Variants in DHRS2 observed in about 807,000 individuals in gnomAD.
The protein encoded by DHRS2 is dehydrogenase/reductase SDR family member 2, mitochondrial.
In DHRS2, 29 loss-of-function variants were observed where a neutral mutation model predicts 26.3. That is an observed-to-expected ratio of 1.10 (90% CI 0.82 to 1.50). The LOEUF is 1.50. Among genes scored for constraint, DHRS2 ranks in the 40% most tolerant of loss-of-function variants. The pLI, the probability that DHRS2 is intolerant of heterozygous loss-of-function variation, is 0.00. For synonymous variants in DHRS2, 164 were observed against 151.3 expected, an observed-to-expected ratio of 1.08 and a Z score of -0.62; for missense variants, 439 against 367.1, an observed-to-expected ratio of 1.20 and a Z score of -1.60.
chr14:23,637,497 C>T (rs1890379473), intron 1 of DHRS2, among the ~76,000 whole-genome samples: 1 of 152,188 alleles, frequency 6.6e-6, no homozygotes, highest in Non-Finnish European at 1.5e-5. Flanking sequence ...CAAAAGGTGT[C>T]ACTTTTCCAA....
Position 23,639,854 on chromosome 14 carries a change from G to T in DHRS2, c.379G>T (p.Val127Leu), listed in dbSNP as rs941625383. Residue 127 changes from valine (V) to leucine (L), a missense_variant, in exon 4 of 9, where the codon GTA (valine) becomes TTA (leucine). Transcript: ENST00000250383. ...LVCSAGVNPL[V>L]GSTLGTSEQI... ...GTGCAGCGCAGGGGTCAACCCTCTG[G>T]TAGGGAGCACTCTGGGGACCAGTGA... 2.8e-5 allele frequency: 45 copies of T among 1,610,294 alleles called. 1 individual carries two copies. Among genetic ancestry groups the T allele is most frequent in the Non-Finnish European group, 3.7e-5 (43 of 1,178,058 alleles).
chr14:23,645,608 T>A lies in DHRS2; in HGVS notation c.*355T>A, dbSNP rs1236743306. ...CTGTAATTTGTGCTTTAAGCATTTT[T>A]TTTCCTAAAATAAACTCAAATTTAT... On this transcript the variant is annotated 3_prime_UTR_variant, in exon 9 of 9. Transcript: ENST00000250383. The A allele has an allele frequency of 6.5e-6, 2 of 308,774 alleles. No homozygotes were observed. Among genetic ancestry groups the A allele is most frequent in the Non-Finnish European group, 1.2e-5 (2 of 166,520 alleles). The allele number at this position is 308,774 out of a possible 1,614,324, so 19.1% of individuals were successfully genotyped here. A position where few individuals can be genotyped will look rare whatever the true frequency, so the allele number is the denominator to read the frequency against.
chr14:23,645,377 C>T lies in DHRS2; in HGVS notation c.*124C>T, dbSNP rs1300776606. The T allele has an allele frequency of 9.5e-6, 15 of 1,580,732 alleles. No individual in the cohort carries two copies. Among genetic ancestry groups the T allele is most frequent in the African/African-American group, 5.4e-5 (4 of 74,306 alleles). On this transcript the variant is annotated 3_prime_UTR_variant, in exon 9 of 9. Transcript: ENST00000250383. ...GCCAGACTAGCAATTTGGGGGCTTA[C>T]TCATGCTAGGCTTGAGGAAGAAGAA...
At chr14:23,640,186 A>G (rs1261222415) in intron 4 of DHRS2, 64 of 918,024 alleles carry the variant, frequency 7.0e-5, no homozygotes, top group Non-Finnish European at 1.3e-5. Context: ...AGGCACCACT[A>G]TTCCAGGCTC....
Position 23,645,611 on chromosome 14 carries a change from T to C in DHRS2, c.*358T>C, listed in dbSNP as rs1023887641. ...TAATTTGTGCTTTAAGCATTTTTTT[T>C]CCTAAAATAAACTCAAATTTATCCT... On this transcript the variant is annotated 3_prime_UTR_variant, in exon 9 of 9. Transcript: ENST00000250383. The C allele has an allele frequency of 9.9e-6, 3 of 302,380 alleles. 1 individual carries two copies. Among genetic ancestry groups the C allele is most frequent in the South Asian group, 1.2e-4 (2 of 17,106 alleles). The allele number at this position is 302,380 out of a possible 1,614,324, so 18.7% of individuals were successfully genotyped here.
chr14:23,641,885 A>G, intron 4 of DHRS2: 1 of 1,215,736 alleles, frequency 8.2e-7, no homozygotes, highest in South Asian at 1.5e-5. Flanking sequence ...CATTCCCTAG[A>G]GATGCAGGAT....
chr14:23,640,133 CT>C, intron 4 of DHRS2: 1 of 731,802 alleles, frequency 1.4e-6, no homozygotes, highest in Non-Finnish European at 1.8e-6. Flanking sequence ...CTTCTCATCA[CT>C]TTTTCATTTA....
At chr14:23,644,271 C>T in intron 6 of DHRS2, 109 bp downstream of exon 6, 1 of 1,554,262 alleles carries the variant, frequency 6.4e-7, no homozygotes, top group South Asian at 1.1e-5. Flanking sequence ...CCACCATCCT[C>T]CTGCTGCCCT....
chr14:23,643,072 G>A (rs1399704286), intron 4 of DHRS2, 80 bp from the exon 5 acceptor site: 8 of 1,424,404 alleles, frequency 5.6e-6, no homozygotes, highest in Non-Finnish European at 7.9e-6. Context: ...ACAAATTACA[G>A]GGCTCCAAGT....
At position 23,639,286 on chromosome 14, in the gene DHRS2, A is replaced by G; in HGVS notation, c.248A>G (p.Glu83Gly). The change falls in exon 3 of 9, where the codon GAG becomes GGG. Residue 83 changes from glutamate (E) to glycine (G), a missense_variant. Physicochemically the swap from Glu to Gly is moderately conservative, Grantham distance 98. Coordinates refer to ENST00000250383, the MANE Select transcript of DHRS2 (RefSeq NM_005794.4). ...CGGGCCATGGCCAAGCTGCAGGGGG[A>G]GGGGCTGAGTGTGGCGGGCATTGTG... ...VDRAMAKLQG[E>G]GLSVAGIVCH... 3.7e-6 allele frequency: 6 copies of G among 1,604,658 alleles called. No homozygotes were observed. The highest frequency in any genetic ancestry group is 1.3e-5 in the African/African-American group (1 of 74,698).
intron 4 of DHRS2, chr14:23,641,492 C>A: frequency 1.4e-6 from 1 of 734,488 alleles, no homozygotes; most frequent in Non-Finnish European, 1.9e-6. Flanking sequence ...GGGAGGGAGT[C>A]TCACCTTTTC....
At chr14:23,643,904 T>C in intron 5 of DHRS2, 1 of 595,640 alleles carries the variant, frequency 1.7e-6, no homozygotes, top group East Asian at 2.9e-5. Flanking sequence ...ATCGTATTTA[T>C]GAGAAATAGG....
intron 1 of DHRS2, chr14:23,638,566 T>A: frequency 3.0e-6 from 1 of 335,620 alleles, no homozygotes. Context: ...TGCTATGCAA[T>A]GGATGGAAAA....
In DHRS2 at chr14:23,637,713, CTA is replaced by C. The variant is rs959140547; in HGVS notation, c.-39+943_-39+944del. Among the ~76,000 whole-genome samples the C allele has an allele frequency of 5.9e-5, 9 of 152,286 alleles. No individual in the cohort carries two copies. The South Asian group carries it at 1.7e-3, about 28-fold the overall frequency. On this transcript the variant is annotated intron_variant, in intron 1 of 8. Transcript: ENST00000250383. ...GGAGGACAAGCAAGGGTGCAGCACT[CTA>C]TGTCTAGCTAATCAGGTGGGGACTT...
chr14:23,644,152 AT>A lies in DHRS2; in HGVS notation c.531del (p.Pro178GlnfsTer2). ...CTGGTCTCTTCCATTGCAGCTTATA[AT>A]CCAGTAGTGGTAAGTGCTTGGTCCT... Reference protein sequence around the residue: ...VILVSSIAAYNPVVALGVYNV... With the variant: ...VILVSSIAAYXPVVALGVYNV... On this transcript the variant is annotated frameshift_variant, in exon 6 of 9. Transcript: ENST00000250383. LOFTEE classifies it high-confidence loss of function. 1 of 1,614,072 alleles carries A rather than the reference AT, an allele frequency of 6.2e-7. No individual in the cohort carries two copies. Among genetic ancestry groups the A allele is most frequent in the Non-Finnish European group, 8.5e-7 (1 of 1,180,002 alleles).
chr14:23,634,211 G>A (rs1890203675), upstream of DHRS2, among the ~76,000 whole-genome samples: 1 of 151,938 alleles, frequency 6.6e-6, no homozygotes, highest in Non-Finnish European at 1.5e-5. Context: ...GGGACTATAG[G>A]CATGCGCCAC....
At chr14:23,638,741 TTGTC>T (rs1477871757) in intron 1 of DHRS2, 82 bp from the exon 2 acceptor site, 116 of 1,387,672 alleles carry the variant, frequency 8.4e-5, no homozygotes, top group Admixed American at 1.3e-4. Context: ...GTTGCTGGCC[TTGTC>T]TGTCTGGAGG....
intron 5 of DHRS2, chr14:23,643,649 G>A (rs745898600): frequency 1.5e-5 from 4 of 269,180 alleles, no homozygotes; most frequent in Admixed American, 9.6e-5. Flanking sequence ...TGTGTTCCAG[G>A]TCCTGCAGAT....
Position 23,644,193 on chromosome 14 carries a change from G to T in DHRS2, c.540+31G>T, listed in dbSNP as rs553571961. On this transcript the variant is annotated intron_variant, in intron 6 of 8. Transcript: ENST00000250383. ...TGCTTGGTCCTTGTGCTCCTGAGTG[G>T]TATAGGGTGAGGGGCAACTTTGTTC... 71 of 1,612,938 alleles carry T rather than the reference G, an allele frequency of 4.4e-5. 1 individual carries two copies. The South Asian group carries it at 6.6e-4, about 15-fold the overall frequency.
Sources: allele counts gnomAD v4.1 joint callset (sites outside exome capture counted in the v4.1 genomes callset), GRCh38; gene constraint gnomAD v4.1.1; transcripts MANE v1.5; gene names NCBI Gene and HGNC (gene_info 2026-07-23, HGNC 2026-07-21).